The following FBLN2 variants were observed in gnomAD, a reference collection of about 807,000 sequenced individuals.
FBLN2 encodes the protein fibulin-2.
A neutral mutation model predicts 123.7 loss-of-function variants in FBLN2; 81 were observed. That is an observed-to-expected ratio of 0.65 (90% confidence interval 0.55 to 0.79). The LOEUF is 0.79. FBLN2 is among the 30% of genes least tolerant of loss of function. The probability of loss-of-function intolerance (pLI) is 0.00; values close to 1 mark genes in which losing one functional copy is unlikely to be tolerated. For synonymous variants in FBLN2, 699 were observed against 701.4 expected (o/e 1.00, Z 0.05); for missense variants, 1,603 against 1,681.3 (o/e 0.95, Z 0.81).
intron 5 of FBLN2, among the ~76,000 whole-genome samples, chr3:13,615,873 C>T (rs1252143607): frequency 6.6e-6 from 1 of 152,224 alleles, no homozygotes; most frequent in Non-Finnish European, 1.5e-5. Flanking sequence ...CCCAGTCAGC[C>T]TTGGTTCCGA....
intron 2 of FBLN2, among the ~76,000 whole-genome samples, chr3:13,572,024 C>T (rs1378036369): frequency 6.6e-6 from 1 of 152,220 alleles, no homozygotes; most frequent in Non-Finnish European, 1.5e-5. Flanking sequence ...GCAGGAAATG[C>T]GAAGGGCGGT....
chr3:13,581,282 A>C (rs1704318699), intron 2 of FBLN2, among the ~76,000 whole-genome samples: 1 of 151,986 alleles, frequency 6.6e-6, no homozygotes, highest in Non-Finnish European at 1.5e-5. Flanking sequence ...GGGGAACATG[A>C]AAGTCCGGTA....
In FBLN2 at chr3:13,570,658, A is replaced by C; in HGVS notation, c.303A>C (p.Pro101=). 6.3e-7 allele frequency: 1 copy of C among 1,583,728 alleles called. No homozygotes were observed. Among genetic ancestry groups the C allele is most frequent in the Non-Finnish European group, 8.6e-7 (1 of 1,166,120 alleles). ...TCGGGAGCACTGAGTGCTCCTGCCC[A>C]CCAGGCGGCGGCAAGATCAGCTGCC... ...VDFGSTECSC[P]PGGGKISCQF... is the part of the protein sequence containing the mutation. Residue 101 remains proline (P), a synonymous_variant, in exon 2 of 18, where the codon CCA becomes CCC. Coordinates refer to ENST00000404922, the MANE Select transcript of FBLN2 (RefSeq NM_001004019.2).
intron 4 of FBLN2, among the ~76,000 whole-genome samples, chr3:13,612,331 C>CTTTCTTTCTTTCTTTCTTTCTTTCTTTCT (rs1559418775): frequency 9.8e-6 from 1 of 101,560 alleles, no homozygotes; most frequent in African/African-American, 3.2e-5. Context: ...TTCTTTCTTT[C>CTTTCTTTCTTTCTTTCTTTCTTTCTTTCT]TTTCTTTCTT....
intron 1 of FBLN2, among the ~76,000 whole-genome samples, chr3:13,562,285 G>A (rs1486290241): frequency 6.6e-6 from 1 of 150,900 alleles, no homozygotes; most frequent in Non-Finnish European, 1.5e-5. Flanking sequence ...GGTTATTTAC[G>A]TTTGGCTCTA....
chr3:13,576,238 G>A (rs924283108), intron 2 of FBLN2, among the ~76,000 whole-genome samples: 1 of 152,204 alleles, frequency 6.6e-6, no homozygotes, highest in Non-Finnish European at 1.5e-5. Flanking sequence ...ACAGCTATGG[G>A]CAGCAGAATG....
At chr3:13,574,832 A>C in intron 2 of FBLN2, among the ~76,000 whole-genome samples, 1 of 152,110 alleles carries the variant, frequency 6.6e-6, no homozygotes, top group East Asian at 1.9e-4. Flanking sequence ...ACTTCCCCCA[A>C]GAGGCTCAGT....
intron 2 of FBLN2, among the ~76,000 whole-genome samples, chr3:13,606,721 A>C (rs1705216079): frequency 6.6e-6 from 1 of 152,078 alleles, no homozygotes; most frequent in Non-Finnish European, 1.5e-5. Flanking sequence ...GAATGATCTC[A>C]GCTCACCACA....
chr3:13,615,567 C>T (rs1221704892), intron 5 of FBLN2, among the ~76,000 whole-genome samples: 1 of 152,252 alleles, frequency 6.6e-6, no homozygotes, highest in Non-Finnish European at 1.5e-5. Flanking sequence ...AGAGCCTTCA[C>T]TGTGGCATCT....
At chr3:13,562,305 T>G (rs1703631563) in intron 1 of FBLN2, among the ~76,000 whole-genome samples, 1 of 152,182 alleles carries the variant, frequency 6.6e-6, no homozygotes, top group South Asian at 2.1e-4. Flanking sequence ...ACAGTGCACA[T>G]TTGTGATTAT....
intron 2 of FBLN2, among the ~76,000 whole-genome samples, chr3:13,600,021 G>C (rs974648801): frequency 1.1e-5 from 1 of 94,198 alleles, no homozygotes; most frequent in Admixed American, 8.9e-5. Context: ...ACACGACAGA[G>C]AGAGAGAGAG....
chr3:13,620,881 G>T (rs1240238474), intron 8 of FBLN2, among the ~76,000 whole-genome samples: 1 of 152,232 alleles, frequency 6.6e-6, no homozygotes, highest in African/African-American at 2.4e-5. Context: ...AGAGAGGACA[G>T]TAGACTTGCC....
At position 13,609,617 on chromosome 3, in the gene FBLN2, ACAG is replaced by A; in HGVS notation, c.1525_1527del (p.Ser509del). On this transcript the variant is annotated inframe_deletion, in exon 4 of 18. Coordinates refer to ENST00000404922, the MANE Select transcript of FBLN2 (RefSeq NM_001004019.2). The stretch of plus-strand genomic sequence containing the variant: ...GAGACCTGTGGGGCTGAGGACAACG[ACAG>A]CTGCGGCATCTCCCTGTACAAGGCA... The A allele has an allele frequency of 6.8e-7, 1 of 1,476,322 alleles. No individual in the cohort carries two copies. Among genetic ancestry groups the A allele is most frequent in the East Asian group, 2.9e-5 (1 of 33,962 alleles). The allele number at this position is 1,476,322 out of a possible 1,614,324, so 91.5% of individuals were successfully genotyped here.
Position 13,627,989 on chromosome 3 carries a change from C to T in FBLN2, c.2569+20C>T. 1.9e-6 allele frequency: 3 copies of T among 1,610,332 alleles called. No homozygotes were observed. The highest frequency in any genetic ancestry group is 2.5e-6 in the Non-Finnish European group (3 of 1,177,792). ...GTGTGGGTGAGCGGGGGCTGCAGGG[C>T]TGGGGATCATCAGCCTAGGGCTCTA... On this transcript the variant is annotated intron_variant, in intron 11 of 17. Transcript: ENST00000404922.
chr3:13,619,968 C>G (rs1705790421), intron 8 of FBLN2, 137 bp downstream of exon 8: 1 of 622,718 alleles, frequency 1.6e-6, no homozygotes. Context: ...ATGAGCACCC[C>G]TAGTGGAGCA....
At chr3:13,615,616 G>A (rs1317301183) in intron 5 of FBLN2, among the ~76,000 whole-genome samples, 1 of 152,242 alleles carries the variant, frequency 6.6e-6, no homozygotes, top group Non-Finnish European at 1.5e-5. Flanking sequence ...TTCAGTGCAA[G>A]GATGAATGAT....
At chr3:13,566,648 C>G (rs1308406349) in intron 1 of FBLN2, 2 of 152,282 alleles carry the variant, frequency 1.3e-5, no homozygotes, top group African/African-American at 4.8e-5. Context: ...AACCATCAGA[C>G]AGCACCAGGA....
intron 13 of FBLN2, 31 bp from the exon 14 acceptor site, chr3:13,629,786 ACCT>A (rs1706189690): frequency 6.4e-7 from 1 of 1,550,438 alleles, no homozygotes; most frequent in South Asian, 1.2e-5. Flanking sequence ...CTTTAGGGCC[ACCT>A]ACCCTGTACC....
At chr3:13,551,186 T>G (rs1402729395) in intron 1 of FBLN2, among the ~76,000 whole-genome samples, 1 of 151,558 alleles carries the variant, frequency 6.6e-6, no homozygotes, top group Admixed American at 6.6e-5. Flanking sequence ...GCCTCAAGCA[T>G]AGGCCCAGGC....
Sources: allele counts gnomAD v4.1 joint callset (sites outside exome capture counted in the v4.1 genomes callset), GRCh38; gene constraint gnomAD v4.1.1; transcripts MANE v1.5; gene names NCBI Gene and HGNC (gene_info 2026-07-23, HGNC 2026-07-21).